NUAK1: variants seen among roughly 807,000 people sequenced by gnomAD.
NUAK1 encodes the protein NUAK family SNF1-like kinase 1.
NUAK1 carries 26 observed loss-of-function variants against 56.9 expected under a neutral mutation model. The ratio of observed to expected loss-of-function variants is 0.46; its 90% confidence interval spans 0.33 to 0.63. NUAK1 has a LOEUF of 0.63. Ranked by LOEUF, NUAK1 falls within the 30% of genes least tolerant of loss-of-function variation. The pLI, the probability that NUAK1 is intolerant of heterozygous loss-of-function variation, is 0.02. For synonymous variants in NUAK1, 337 were observed against 336.0 expected (o/e 1.00, Z -0.03); for missense variants, 727 against 876.1 (o/e 0.83, Z 2.15).
At chr12:106,113,307 C>T (rs12318540) in intron 1 of NUAK1, among the ~76,000 whole-genome samples, 12,635 of 152,160 alleles carry the variant, frequency 0.083, 576 homozygotes, top group African/African-American at 0.1. Flanking sequence ...AGCAAAAAGG[C>T]CACCGGAAAG....
At chr12:106,120,637 G>C (rs2032964820) in intron 1 of NUAK1, among the ~76,000 whole-genome samples, 1 of 152,158 alleles carries the variant, frequency 6.6e-6, no homozygotes, top group Admixed American at 6.5e-5. Context: ...CCAGGGAATT[G>C]ATTTCGCAGG....
At chr12:106,069,376 A>AT (rs2032379975) in intron 6 of NUAK1, among the ~76,000 whole-genome samples, 1 of 152,170 alleles carries the variant, frequency 6.6e-6, no homozygotes, top group South Asian at 2.1e-4. Context: ...TATTTCTCAC[A>AT]TTTTTTGGAA....
At chr12:106,106,351 T>C in intron 2 of NUAK1, 54 bp downstream of exon 2, 1 of 1,502,850 alleles carries the variant, frequency 6.7e-7, no homozygotes. Flanking sequence ...GCAGGCCCCA[T>C]GGTATGAGAA....
intron 1 of NUAK1, among the ~76,000 whole-genome samples, chr12:106,125,481 C>A (rs1433917394): frequency 6.6e-6 from 1 of 152,182 alleles, no homozygotes; most frequent in African/African-American, 2.4e-5. Flanking sequence ...ATTGGACTTC[C>A]TCTAAGCCTC....
chr12:106,069,227 A>G (rs2032378461), intron 6 of NUAK1, among the ~76,000 whole-genome samples: 1 of 152,222 alleles, frequency 6.6e-6, no homozygotes, highest in South Asian at 2.1e-4. Context: ...TTGCATATGC[A>G]CAGAGCAGCA....
At chr12:106,107,601 A>C (rs2032814876) in intron 1 of NUAK1, among the ~76,000 whole-genome samples, 1 of 152,206 alleles carries the variant, frequency 6.6e-6, no homozygotes, top group African/African-American at 2.4e-5. Flanking sequence ...AAAGGCATAC[A>C]GTCATCTGGA....
intron 6 of NUAK1, among the ~76,000 whole-genome samples, chr12:106,070,532 T>C (rs892269): frequency 0.74 from 111,853 of 152,080 alleles, 42,476 homozygotes; most frequent in East Asian, 0.98. Context: ...AAGTGACTTG[T>C]CCAGATCCAC....
intron 4 of NUAK1, among the ~76,000 whole-genome samples, chr12:106,080,832 GT>G (rs1172931667): frequency 1.3e-5 from 2 of 152,224 alleles, no homozygotes; most frequent in African/African-American, 4.8e-5. Context: ...TGTCCCGCTG[GT>G]TCGTGGCTCG....
chr12:106,075,394 G>A (rs1039857490), intron 4 of NUAK1, among the ~76,000 whole-genome samples: 1 of 151,652 alleles, frequency 6.6e-6, no homozygotes, highest in Non-Finnish European at 1.5e-5. Context: ...AATGCCATAC[G>A]GAACTTATAT....
At chr12:106,082,804 G>T (rs1202018698) in intron 4 of NUAK1, among the ~76,000 whole-genome samples, 8 of 152,056 alleles carry the variant, frequency 5.3e-5, no homozygotes, top group Non-Finnish European at 1.5e-5. Context: ...ATCCTTCCAA[G>T]CAAGGAAACA....
rs142591113 is a variant in NUAK1, at chr12:106,092,379, G to T, written c.362-5494C>A. ...TAAATATACAAAAAATTAGCTGGGC[G>T]TGGTAGTGGGCACCTGTAATCCCAG... On this transcript the variant is annotated intron_variant, in intron 2 of 6. Transcript: ENST00000261402. Among the ~76,000 whole-genome samples the T allele has an allele frequency of 7.4e-3, 1,124 of 152,092 alleles. 9 individuals are homozygous for T. The highest frequency in any genetic ancestry group is 0.012 in the Non-Finnish European group (834 of 67,998).
At chr12:106,080,142 G>T (rs546549341) in intron 4 of NUAK1, among the ~76,000 whole-genome samples, 1 of 152,178 alleles carries the variant, frequency 6.6e-6, no homozygotes, top group African/African-American at 2.4e-5. Context: ...TGCCCCACTT[G>T]GTCTTATTAA....
In NUAK1 at chr12:106,086,930, C is replaced by G. The variant is rs772134238; in HGVS notation, c.362-45G>C. The G allele has an allele frequency of 3.1e-6, 5 of 1,592,870 alleles. No individual in the cohort carries two copies. The South Asian group carries it at 4.5e-5, about 14-fold the overall frequency. ...ATACACAAACACCCCGTTTAGCCAA[C>G]AAGCTCACTTATGCTACAGAGAATG... is the stretch of plus-strand genomic sequence containing the variant. On this transcript the variant is annotated intron_variant, in intron 2 of 6. Transcript: ENST00000261402.
At chr12:106,080,345 T>C (rs192063021) in intron 4 of NUAK1, among the ~76,000 whole-genome samples, 3 of 152,318 alleles carry the variant, frequency 2.0e-5, no homozygotes, top group African/African-American at 4.8e-5. Context: ...CTGGACCTCT[T>C]CTCATTGTAA....
chr12:106,091,502 G>A (rs550310672), intron 2 of NUAK1, among the ~76,000 whole-genome samples: 8 of 152,302 alleles, frequency 5.3e-5, no homozygotes, highest in Admixed American at 4.6e-4. Flanking sequence ...CCAGGTAGAA[G>A]GGTCAGCATG....
At chr12:106,124,896 T>C (rs796169796) in intron 1 of NUAK1, among the ~76,000 whole-genome samples, 82 of 151,426 alleles carry the variant, frequency 5.4e-4, no homozygotes, top group African/African-American at 1.8e-3. Context: ...ACTCGGGAGG[T>C]TGAGGCAGGA....
chr12:106,087,987 C>T (rs1270298532), intron 2 of NUAK1, among the ~76,000 whole-genome samples: 1 of 152,208 alleles, frequency 6.6e-6, no homozygotes, highest in African/African-American at 2.4e-5. Flanking sequence ...AACCTCCACA[C>T]CACCAAGGAA....
rs149944264 is a variant in NUAK1, at chr12:106,067,489, C to T, written c.1299G>A (p.Gln433=). 2 of 1,614,078 alleles carry T rather than the reference C, an allele frequency of 1.2e-6. No individual in the cohort carries two copies. The highest frequency in any genetic ancestry group is 2.7e-5 in the African/African-American group (2 of 74,922). ...PALPSTFKME[Q]DLCRTGVLLP... is the part of the protein sequence containing the mutation. ...GGAGCACGCCAGTCCTGCACAAGTC[C>T]TGCTCCATCTTGAAAGTAGAGGGTA... is the stretch of plus-strand genomic sequence containing the variant. Residue 433 remains glutamine (Q), a synonymous_variant, in exon 7 of 7, where the codon CAG becomes CAA. Coordinates refer to ENST00000261402, the MANE Select transcript of NUAK1 (RefSeq NM_014840.3). The surrounding 1 kb of genome is among the most constrained non-coding windows in gnomAD (Gnocchi z 6.0).
chr12:106,117,995 AT>A (rs1389432300), intron 1 of NUAK1, among the ~76,000 whole-genome samples: 1 of 152,206 alleles, frequency 6.6e-6, no homozygotes, highest in African/African-American at 2.4e-5. Flanking sequence ...GTAAGTCTTA[AT>A]TTGTATAAGA....
Sources: allele counts gnomAD v4.1 joint callset (sites outside exome capture counted in the v4.1 genomes callset), GRCh38; gene constraint gnomAD v4.1.1; non-coding constraint Gnocchi (gnomAD v3.1); transcripts MANE v1.5; gene names NCBI Gene and HGNC (gene_info 2026-07-23, HGNC 2026-07-21).